The following FTO variants were observed in gnomAD, a reference collection of about 807,000 sequenced individuals.
FTO encodes alpha-ketoglutarate-dependent dioxygenase FTO.
In FTO, 47 loss-of-function variants were observed where a neutral mutation model predicts 63.9. That is an observed-to-expected ratio of 0.74 (90% CI 0.58 to 0.94). The LOEUF (loss-of-function observed/expected upper bound fraction) is 0.94. Among genes scored for constraint, FTO ranks in the 40% least tolerant of loss-of-function variants. FTO has a pLI of 0.00. For missense variants in FTO, 562 were observed against 618.1 expected, an observed-to-expected ratio of 0.91 and a Z score of 0.96; for synonymous variants, 207 against 224.4, an observed-to-expected ratio of 0.92 and a Z score of 0.69.
At chr16:54,003,857 G>A (rs1264978180) in intron 8 of FTO, among the ~76,000 whole-genome samples, 2 of 152,058 alleles carry the variant, frequency 1.3e-5, no homozygotes, top group Non-Finnish European at 2.9e-5. Context: ...TTTAGTGGTT[G>A]CCATGTTTAA....
At chr16:53,838,335 G>T (rs909605925) in intron 3 of FTO, among the ~76,000 whole-genome samples, 4 of 152,138 alleles carry the variant, frequency 2.6e-5, no homozygotes, top group Admixed American at 2.6e-4. Flanking sequence ...TTTTGAGATG[G>T]AGTCTTGCTC....
rs1378786189 is a variant in FTO at position 54,112,587 on chromosome 16, T to C, written c.*672T>C. On this transcript the variant is annotated 3_prime_UTR_variant, in exon 9 of 9. Transcript: ENST00000471389. ...TTCTCATTTCCATTCGTCTGTAGCT[T>C]CTATCCCCAAAGGCAAAGAAACTAA... 1 of 152,452 alleles carries C rather than the reference T, an allele frequency of 6.6e-6. No individual in the cohort carries two copies. The highest frequency in any genetic ancestry group is 1.5e-5 in the Non-Finnish European group (1 of 68,218). The allele number at this position is 152,452 out of a possible 1,614,324, so 9.4% of individuals were successfully genotyped here.
At chr16:53,706,798 G>C (rs1258200139) in intron 1 of FTO, among the ~76,000 whole-genome samples, 2 of 152,150 alleles carry the variant, frequency 1.3e-5, no homozygotes, top group Non-Finnish European at 2.9e-5. Context: ...GATACCACAT[G>C]TTGTTTATTC....
intron 1 of FTO, among the ~76,000 whole-genome samples, chr16:53,723,878 C>T (rs74991175): frequency 0.045 from 6,871 of 152,280 alleles, 211 homozygotes; most frequent in East Asian, 0.11. Flanking sequence ...TCCTACTCAC[C>T]TCCACTGATC....
intron 7 of FTO, among the ~76,000 whole-genome samples, chr16:53,924,015 G>T (rs1476475967): frequency 1.3e-5 from 2 of 152,278 alleles, no homozygotes; most frequent in Admixed American, 6.5e-5. Context: ...ACAAAAATAA[G>T]TAGTCATTCA....
At chr16:53,832,885 T>C (rs898311105) in intron 3 of FTO, among the ~76,000 whole-genome samples, 1 of 152,218 alleles carries the variant, frequency 6.6e-6, no homozygotes, top group Non-Finnish European at 1.5e-5. Context: ...TTCTGCTTTC[T>C]GTCTGTATTA....
chr16:53,734,407 A>C (rs1159070107), intron 1 of FTO, among the ~76,000 whole-genome samples: 1 of 152,250 alleles, frequency 6.6e-6, no homozygotes, highest in African/African-American at 2.4e-5. Flanking sequence ...CAGAATCTTA[A>C]TGTTTCAAAA....
chr16:54,121,355 T>C lies in FTO; in HGVS notation c.*9440T>C, dbSNP rs2087003871. On this transcript the variant is annotated 3_prime_UTR_variant, in exon 9 of 9. Coordinates refer to ENST00000471389, the MANE Select transcript of FTO (RefSeq NM_001080432.3). Reference sequence around the variant, plus strand: ...CATGGCATCCAAACCAAAATACTCATGCCAACATCTCTCTGTACAGAAACA... The same window carrying C: ...CATGGCATCCAAACCAAAATACTCACGCCAACATCTCTCTGTACAGAAACA... The C allele has an allele frequency of 6.6e-6, 1 of 152,196 alleles. No individual in the cohort carries two copies. Among genetic ancestry groups the C allele is most frequent in the South Asian group, 2.1e-4 (1 of 4,826 alleles). 9.4% of individuals were successfully genotyped at this position (152,196 alleles called of 1,614,324 possible).
chr16:53,825,275 T>G (rs1368224711), intron 2 of FTO, among the ~76,000 whole-genome samples: 1 of 152,176 alleles, frequency 6.6e-6, no homozygotes, highest in Non-Finnish European at 1.5e-5. Context: ...CAATGCATTC[T>G]CATGGTTAAG....
rs192023542 is a variant in FTO, at chr16:53,929,186, A to G, written c.1240-4799A>G. Reference sequence around the variant, plus strand: ...ACTCACGTAACCACCACCACAATCAAGGTACAGAATGGTTCCATCATGCTC... The same window carrying G: ...ACTCACGTAACCACCACCACAATCAGGGTACAGAATGGTTCCATCATGCTC... On this transcript the variant is annotated intron_variant, in intron 7 of 8. Transcript: ENST00000471389. Among the ~76,000 whole-genome samples the G allele has an allele frequency of 2.5e-4, 38 of 152,308 alleles. 1 individual carries two copies. Among genetic ancestry groups the G allele is most frequent in the African/African-American group, 8.7e-4 (36 of 41,572 alleles).
At chr16:54,055,854 G>A (rs2085420948) in intron 8 of FTO, among the ~76,000 whole-genome samples, 1 of 152,198 alleles carries the variant, frequency 6.6e-6, no homozygotes, top group South Asian at 2.1e-4. Context: ...TTAGGGCTCA[G>A]AAAGCAGGTT....
At chr16:53,891,905 T>C (rs2081159477) in intron 7 of FTO, among the ~76,000 whole-genome samples, 1 of 152,152 alleles carries the variant, frequency 6.6e-6, no homozygotes, top group Non-Finnish European at 1.5e-5. Context: ...GAAGTTGGCG[T>C]GTCATTTCTA....
intron 1 of FTO, among the ~76,000 whole-genome samples, chr16:53,769,942 T>C (rs1393653952): frequency 6.6e-6 from 1 of 151,936 alleles, no homozygotes; most frequent in Admixed American, 6.6e-5. Context: ...TGCAGAAATG[T>C]GTTTAGGGGT....
At chr16:53,823,030 C>T (rs1049320346) in intron 2 of FTO, among the ~76,000 whole-genome samples, 5 of 152,158 alleles carry the variant, frequency 3.3e-5, no homozygotes, top group Non-Finnish European at 7.4e-5. Flanking sequence ...TTTTCTACTC[C>T]CCTTCATAGC....
chr16:53,877,542 G>C (rs1446617876), intron 5 of FTO, among the ~76,000 whole-genome samples: 1 of 152,146 alleles, frequency 6.6e-6, no homozygotes, highest in African/African-American at 2.4e-5. Flanking sequence ...GGAAATGTTG[G>C]TAGAAATCAG....
intron 8 of FTO, among the ~76,000 whole-genome samples, chr16:54,109,714 A>G (rs1395860911): frequency 1.3e-5 from 2 of 152,246 alleles, no homozygotes; most frequent in East Asian, 3.8e-4. Flanking sequence ...TGGGATTGGG[A>G]AGCTTGTACA....
intron 8 of FTO, chr16:53,991,465 T>A (rs1464189624): frequency 2.0e-5 from 3 of 152,164 alleles, no homozygotes; most frequent in Non-Finnish European, 4.4e-5. Context: ...AAGGTTGATT[T>A]ACTGTGTTAC....
At chr16:54,026,603 C>A (rs914673807) in intron 8 of FTO, among the ~76,000 whole-genome samples, 3 of 152,112 alleles carry the variant, frequency 2.0e-5, no homozygotes, top group African/African-American at 7.2e-5. Context: ...AGGAAGGCAA[C>A]CTGCAGTTTC....
chr16:53,763,606 T>C (rs6499643), intron 1 of FTO, among the ~76,000 whole-genome samples: 34,757 of 152,128 alleles, frequency 0.23, 4,744 homozygotes, highest in African/African-American at 0.38. Flanking sequence ...CATGATTACA[T>C]TGACCCTATG....
Sources: allele counts gnomAD v4.1 joint callset (sites outside exome capture counted in the v4.1 genomes callset), GRCh38; gene constraint gnomAD v4.1.1; transcripts MANE v1.5; gene names NCBI Gene and HGNC (gene_info 2026-07-23, HGNC 2026-07-21).